DNAH12: variants seen among roughly 807,000 people sequenced by gnomAD.
DNAH12 encodes axonemal beta dynein heavy chain 12.
DNAH12 carries 285 observed loss-of-function variants against 371.5 expected under a neutral mutation model. That is an observed-to-expected ratio of 0.77 (90% confidence interval 0.70 to 0.85). The LOEUF is 0.85. Among genes scored for constraint, DNAH12 ranks in the 40% least tolerant of loss-of-function variants. The probability of loss-of-function intolerance (pLI) is 0.00; values close to 1 mark genes in which losing one functional copy is unlikely to be tolerated. For missense variants in DNAH12, 3,611 were observed against 3,689.4 expected, an observed-to-expected ratio of 0.98 and a Z score of 0.55; for synonymous variants, 1,200 against 1,213.0, an observed-to-expected ratio of 0.99 and a Z score of 0.22.
At chr3:57,420,750 A>T (rs547138270) in intron 36 of DNAH12, among the ~76,000 whole-genome samples, 1 of 152,092 alleles carries the variant, frequency 6.6e-6, no homozygotes, top group South Asian at 2.1e-4. Flanking sequence ...TCTACTAAAA[A>T]TGCAAAAAAT....
At chr3:57,454,703 C>G in intron 23 of DNAH12, 72 bp downstream of exon 23, 1 of 1,519,880 alleles carries the variant, frequency 6.6e-7, no homozygotes. Flanking sequence ...GATCTCATTT[C>G]TAAAAATAAT....
At chr3:57,394,841 G>C (rs1559612468) in intron 43 of DNAH12, among the ~76,000 whole-genome samples, 7 of 152,154 alleles carry the variant, frequency 4.6e-5, no homozygotes, top group Non-Finnish European at 1.0e-4. Flanking sequence ...AGACGCTTCA[G>C]TGTAGACAGG....
intron 58 of DNAH12, among the ~76,000 whole-genome samples, chr3:57,362,445 G>A (rs1356936587): frequency 6.6e-6 from 1 of 152,208 alleles, no homozygotes; most frequent in African/African-American, 2.4e-5. Context: ...GTGCCACACT[G>A]TCTTCCACAA....
At chr3:57,479,884 C>T (rs556422108) in intron 13 of DNAH12, among the ~76,000 whole-genome samples, 1 of 152,190 alleles carries the variant, frequency 6.6e-6, no homozygotes, top group Admixed American at 6.5e-5. Context: ...AGAACAAAGA[C>T]ACAACATACC....
chr3:57,407,700 G>C (rs1553681727), intron 40 of DNAH12, among the ~76,000 whole-genome samples: 1 of 152,124 alleles, frequency 6.6e-6, no homozygotes, highest in Non-Finnish European at 1.5e-5. Flanking sequence ...TCTAGTCTTT[G>C]AACAGAGGCA....
chr3:57,507,965 G>A (rs971669799), intron 7 of DNAH12, 127 bp from the exon 8 acceptor site: 14 of 793,954 alleles, frequency 1.8e-5, no homozygotes, highest in Admixed American at 3.4e-5. Flanking sequence ...GAGGCAGGCA[G>A]ATCACGAGGT....
At chr3:57,336,633 G>T (rs572678851) in intron 60 of DNAH12, among the ~76,000 whole-genome samples, 3 of 152,042 alleles carry the variant, frequency 2.0e-5, no homozygotes, top group Non-Finnish European at 4.4e-5. Flanking sequence ...AAAGAATAAA[G>T]AACAATAGAA....
intron 43 of DNAH12, among the ~76,000 whole-genome samples, chr3:57,395,294 C>T (rs1271420174): frequency 6.6e-6 from 1 of 152,082 alleles, no homozygotes; most frequent in African/African-American, 2.4e-5. Flanking sequence ...TCTCTCTCAC[C>T]CCCGGTCCTG....
At chr3:57,472,487 T>C in intron 14 of DNAH12, 59 bp downstream of exon 14, 1 of 1,511,652 alleles carries the variant, frequency 6.6e-7, no homozygotes, top group Non-Finnish European at 8.9e-7. Context: ...GAAAATTAAA[T>C]GTGAATGATG....
chr3:57,332,012 C>T (rs909325452), intron 62 of DNAH12, among the ~76,000 whole-genome samples: 14 of 152,046 alleles, frequency 9.2e-5, no homozygotes, highest in African/African-American at 3.4e-4. Flanking sequence ...TAGTAATTTC[C>T]CCCCACCCTG....
chr3:57,511,106 A>G, intron 4 of DNAH12, 127 bp from the exon 5 acceptor site: 1 of 648,998 alleles, frequency 1.5e-6, no homozygotes, highest in Non-Finnish European at 2.3e-6. Flanking sequence ...CATTTTCAGA[A>G]TAAAAACCAT....
At chr3:57,354,552 A>AGG (rs2062754890) in intron 59 of DNAH12, among the ~76,000 whole-genome samples, 1 of 19,944 alleles carries the variant, frequency 5.0e-5, no homozygotes, top group Non-Finnish European at 2.1e-4. Context: ...AAAAAAAAGA[A>AGG]AAAAAAAAAG....
intron 50 of DNAH12, 105 bp downstream of exon 50, chr3:57,382,157 C>G (rs2063406173): frequency 6.6e-6 from 1 of 152,140 alleles, no homozygotes; most frequent in African/African-American, 2.4e-5. Flanking sequence ...ATCTGGAAAA[C>G]AATGTTTCTT....
chr3:57,316,466 C>CT (rs1458747018), intron 65 of DNAH12, among the ~76,000 whole-genome samples: 1 of 152,088 alleles, frequency 6.6e-6, no homozygotes. Context: ...TTCCATGAAG[C>CT]TTTTTTTCAA....
chr3:57,535,767 C>A (rs975925395), intron 2 of DNAH12, among the ~76,000 whole-genome samples: 3 of 151,942 alleles, frequency 2.0e-5, no homozygotes, highest in African/African-American at 7.3e-5. Context: ...GTCTCGAACT[C>A]CCAACCTCAG....
chr3:57,502,294 T>G (rs184537586), intron 10 of DNAH12, 29 bp downstream of exon 10: 1 of 1,606,136 alleles, frequency 6.2e-7, no homozygotes, highest in East Asian at 2.2e-5. Context: ...TGATGACAAA[T>G]GGTATAATAT....
chr3:57,493,357 G>C lies in DNAH12; in HGVS notation c.1336-3670C>G, dbSNP rs1383321827. 2.0e-5 allele frequency among the ~76,000 whole-genome samples: 3 copies of C among 152,092 alleles called. No individual in the cohort carries two copies. In the East Asian group the frequency reaches 5.8e-4, roughly 29 times the overall value. On this transcript the variant is annotated intron_variant, in intron 11 of 73. Coordinates refer to ENST00000495027, the MANE Select transcript of DNAH12 (RefSeq NM_001366028.2). ...TTATATAGCATTTATATTGCATTAGGTATTAGAAGTAATCTAGAGATAGTT... is the reference window on the plus strand; with the variant it reads ...TTATATAGCATTTATATTGCATTAGCTATTAGAAGTAATCTAGAGATAGTT...
chr3:57,302,067 TGTG>T, intron 69 of DNAH12, 128 bp from the exon 70 acceptor site: 1 of 895,074 alleles, frequency 1.1e-6, no homozygotes, highest in East Asian at 2.7e-5. Flanking sequence ...TCACCTCCCA[TGTG>T]GTGGTACGTG....
chr3:57,326,905 C>T (rs1234644954), intron 62 of DNAH12, among the ~76,000 whole-genome samples: 1 of 152,094 alleles, frequency 6.6e-6, no homozygotes, highest in Non-Finnish European at 1.5e-5. Flanking sequence ...GCAGGGGTTC[C>T]AATCCTGGTC....
Sources: gnomAD v4.1 joint callset for allele counts (sites outside exome capture counted in the v4.1 genomes callset) on GRCh38, gnomAD v4.1.1 for gene constraint, MANE v1.5 for transcripts, NCBI Gene and HGNC (gene_info 2026-07-23, HGNC 2026-07-21) for gene names.